Variants in PPOX observed in about 807,000 individuals in gnomAD.
PPOX encodes variegate porphyria.
In PPOX, 23 loss-of-function variants were observed where a neutral mutation model predicts 54.1. That is an observed-to-expected ratio of 0.43 (90% CI 0.31 to 0.60). PPOX has a LOEUF of 0.60. Ranked by LOEUF, PPOX falls within the 20% of genes least tolerant of loss-of-function variation. PPOX has a pLI of 0.13. For synonymous variants in PPOX, 224 were observed against 236.1 expected, an observed-to-expected ratio of 0.95 and a Z score of 0.47; for missense variants, 512 against 601.1, an observed-to-expected ratio of 0.85 and a Z score of 1.55.
downstream of PPOX, chr1:161,175,071 G>A: frequency 6.2e-7 from 1 of 1,614,128 alleles, no homozygotes; most frequent in Non-Finnish European, 8.5e-7. Flanking sequence ...GCAGGCGCAG[G>A]TGGTGCTCCC....
At chr1:161,176,327 C>T (rs1663504168) in intron 4 of PPOX, 4 of 557,936 alleles carry the variant, frequency 7.2e-6, no homozygotes, top group Non-Finnish European at 1.3e-5. Flanking sequence ...CATCTACTGT[C>T]AGTCCTCACC....
downstream of PPOX, chr1:161,175,303 C>G (rs1401883922): frequency 5.3e-6 from 7 of 1,319,616 alleles, no homozygotes; most frequent in African/African-American, 7.4e-5. Flanking sequence ...TTGGGAATAC[C>G]TCTGACACTG....
At chr1:161,177,978 A>T (rs1664152079), downstream of PPOX, 1 of 152,248 alleles carries the variant, frequency 6.6e-6, no homozygotes, top group South Asian at 2.1e-4. Context: ...CCTGGAAATA[A>T]AAAGCGATTA....
rs1243063709 is a variant in PPOX at position 161,166,839 on chromosome 1, G to C, written c.-8-1G>C. ...TGTCCATATCGCCCCCTTTCCCCCA[G>C]GTTTCCGCATGGGCCGGACCGTGGT... is the stretch of plus-strand genomic sequence containing the variant. On this transcript the variant is annotated splice_acceptor_variant, in intron 1 of 12. Coordinates refer to ENST00000367999, the MANE Select transcript of PPOX (RefSeq NM_001122764.3). LOFTEE classifies it low-confidence loss of function (5UTR_SPLICE). 3.1e-6 allele frequency: 5 copies of C among 1,613,070 alleles called. No homozygotes were observed. Among genetic ancestry groups the C allele is most frequent in the Non-Finnish European group, 4.2e-6 (5 of 1,180,022 alleles).
At chr1:161,174,145 C>A, downstream of PPOX, 1 of 1,321,622 alleles carries the variant, frequency 7.6e-7, no homozygotes, top group Middle Eastern at 2.6e-4. Flanking sequence ...CGGTGGCTTA[C>A]GCCTGTAATC....
In PPOX at chr1:161,170,711, C is replaced by A. The variant is rs141274934; in HGVS notation, c.1190C>A (p.Ala397Asp). Residue 397 changes from alanine to aspartate, a missense_variant, in exon 11 of 13, where the codon GCT becomes GAT. Ala to Asp is a moderately radical substitution (Grantham distance 126). Coordinates refer to ENST00000367999, the MANE Select transcript of PPOX (RefSeq NM_001122764.3). ...ELFQQRAQEAAATQLGLKEMP... is the reference protein window; with the variant it reads ...ELFQQRAQEADATQLGLKEMP... ...TTTCAACAGCGGGCCCAGGAAGCAG[C>A]TGCTACACAATTAGGACTGAAGGAG... 6.2e-7 allele frequency: 1 copy of A among 1,614,118 alleles called. No homozygotes were observed. Among genetic ancestry groups the A allele is most frequent in the Non-Finnish European group, 8.5e-7 (1 of 1,180,044 alleles).
intron 9 of PPOX, 29 bp downstream of exon 9, chr1:161,170,053 A>G (rs762880983): frequency 1.3e-6 from 2 of 1,596,130 alleles, no homozygotes; most frequent in Non-Finnish European, 1.7e-6. Flanking sequence ...GAGGCTGGGC[A>G]TGGTGGCTCA....
chr1:161,166,801 TC>T, intron 1 of PPOX, 38 bp from the exon 2 acceptor site: 1 of 1,607,670 alleles, frequency 6.2e-7, no homozygotes. Context: ...GCGCAGGTTG[TC>T]CCCGGTCTGC....
At chr1:161,172,484 G>A (rs1412863879), downstream of PPOX, 26 of 653,806 alleles carry the variant, frequency 4.0e-5, no homozygotes, top group Non-Finnish European at 5.9e-5. Flanking sequence ...AGAAGGAAAT[G>A]GCTGAAGAGA....
At chr1:161,170,288 A>G in intron 9 of PPOX, 121 bp from the exon 10 acceptor site, 1 of 929,690 alleles carries the variant, frequency 1.1e-6, no homozygotes, top group Non-Finnish European at 1.7e-6. Context: ...TCTCGCCATT[A>G]CACTCCAGCC....
rs1660556147 is a variant in PPOX at position 161,169,938 on chromosome 1, C to T, written c.901C>T (p.Pro301Ser). 6.2e-7 allele frequency: 1 copy of T among 1,614,164 alleles called. No individual in the cohort carries two copies. Among genetic ancestry groups the T allele is most frequent in the South Asian group, 1.1e-5 (1 of 91,074 alleles). The stretch of plus-strand genomic sequence containing the variant: ...TGAGCTGCTCCCTGCTGAGGCTGCC[C>T]CTCTGGCTCGTGCCCTGAGTGCCAT... ...LSELLPAEAA[P>S]LARALSAITA... Residue 301 changes from proline to serine, a missense_variant, in exon 9 of 13, where the codon CCT becomes TCT. Pro to Ser is a moderately conservative substitution (Grantham distance 74). Transcript: ENST00000367999.
rs267598133 is a variant in PPOX at position 161,171,064 on chromosome 1, G to C, written c.1322G>C (p.Arg441Thr). 7 of 1,614,206 alleles carry C rather than the reference G, an allele frequency of 4.3e-6. No individual in the cohort carries two copies. Among genetic ancestry groups the C allele is most frequent in the Non-Finnish European group, 1.7e-6 (2 of 1,180,044 alleles). ...ESARQFLTAH[R>T]LPLTLAGASY... ...GCTAGGCAATTCCTGACTGCTCACA[G>C]GTTGCCCCTGACTCTGGCTGGAGCC... The change falls in exon 13 of 13, where the codon AGG becomes ACG. Residue 441 changes from arginine to threonine, a missense_variant. Transcript: ENST00000367999.
At chr1:161,175,918 T>C (rs1316366242), downstream of PPOX, 6 of 1,614,054 alleles carry the variant, frequency 3.7e-6, no homozygotes, top group East Asian at 2.2e-5. Context: ...AGGGTGAGAA[T>C]AGTCAAATGT....
At position 161,168,474 on chromosome 1, in the gene PPOX, G is replaced by A. The variant is rs1399295669; in HGVS notation, c.514G>A (p.Ala172Thr). The A allele has an allele frequency of 1.2e-6, 2 of 1,614,026 alleles. No homozygotes were observed. Among genetic ancestry groups the A allele is most frequent in the African/African-American group, 2.7e-5 (2 of 74,914 alleles). ...GGACAGTCTCTGCCGTGGAGTGTTT[G>A]CAGGCAACAGCCGTGAGCTCAGCAT... ...AMDSLCRGVF[A>T]GNSRELSIRS... The change falls in exon 6 of 13, where the codon GCA (alanine) becomes ACA (threonine). Residue 172 changes from alanine to threonine, a missense_variant. Physicochemically the swap from Ala to Thr is moderately conservative, Grantham distance 58. Transcript: ENST00000367999.
Position 161,167,402 on chromosome 1 carries a change from T to G in PPOX, c.254T>G (p.Leu85Arg), listed in dbSNP as rs910986823. Reference protein sequence around the residue: ...VSELGLDSEVLPVRGDHPAAQ... With the variant: ...VSELGLDSEVRPVRGDHPAAQ... ...GAGCTTGGCTTGGATTCAGAAGTGC[T>G]GCCTGTCCGGGGAGACCACCCAGCT... Residue 85 changes from leucine to arginine, a missense_variant, in exon 4 of 13, where the codon CTG becomes CGG. By Grantham distance (102) the Leu-to-Arg change is moderately radical. Coordinates refer to ENST00000367999, the MANE Select transcript of PPOX (RefSeq NM_001122764.3). 3 of 1,613,868 alleles carry G rather than the reference T, an allele frequency of 1.9e-6. No individual in the cohort carries two copies. The African/African-American group carries it at 4.0e-5, about 22-fold the overall frequency.
At chr1:161,168,227 G>A (rs1659819489) in intron 5 of PPOX, 100 bp downstream of exon 5, 1 of 1,590,620 alleles carries the variant, frequency 6.3e-7, no homozygotes, top group African/African-American at 1.3e-5. Flanking sequence ...TATCATTTGG[G>A]GATGCCCTCT....
In PPOX at chr1:161,166,852, G is replaced by A. The variant is rs758620208; in HGVS notation, c.5G>A (p.Gly2Asp). Residue 2 changes from glycine (G) to aspartate (D), a missense_variant, in exon 2 of 13, where the codon GGC becomes GAC. By Grantham distance (94) the Gly-to-Asp change is moderately conservative. Coordinates refer to ENST00000367999, the MANE Select transcript of PPOX (RefSeq NM_001122764.3). ...CCCTTTCCCCCAGGTTTCCGCATGG[G>A]CCGGACCGTGGTCGTGCTGGGCGGA... M[G>D]RTVVVLGGGI... is the part of the protein sequence containing the mutation. 4 of 1,613,406 alleles carry A rather than the reference G, an allele frequency of 2.5e-6. No homozygotes were observed. In the South Asian group the frequency reaches 4.4e-5, roughly 18 times the overall value.
intron 4 of PPOX, 71 bp downstream of exon 4, chr1:161,167,557 C>CTTT (rs397731347): frequency 0.019 from 10,589 of 549,354 alleles, 228 homozygotes; most frequent in South Asian, 0.023. Context: ...TTCTTCTTTT[C>CTTT]TTTTTTTTTT....
At chr1:161,173,746 T>G, downstream of PPOX, 1 of 1,614,010 alleles carries the variant, frequency 6.2e-7, no homozygotes, top group Non-Finnish European at 8.5e-7. Context: ...AGAAAGATCC[T>G]TGCATACCCC....
Sources: gnomAD v4.1 joint callset for allele counts on GRCh38, gnomAD v4.1.1 for gene constraint, MANE v1.5 for transcripts, NCBI Gene and HGNC (gene_info 2026-07-23, HGNC 2026-07-21) for gene names.